The following AGBL1 variants were observed in gnomAD, a reference collection of about 807,000 sequenced individuals.
The protein encoded by AGBL1 is AGBL carboxypeptidase 1, also known as cytosolic carboxypeptidase 4.
A neutral mutation model predicts 118.9 loss-of-function variants in AGBL1; 130 were observed. That is an observed-to-expected ratio of 1.09 (90% CI 0.95 to 1.26). The LOEUF is 1.26. AGBL1 is among the 50% of genes most tolerant of loss of function. The probability of loss-of-function intolerance (pLI) is 0.00; values close to 1 mark genes in which losing one functional copy is unlikely to be tolerated. For missense variants in AGBL1, 1,584 were observed against 1,298.1 expected (o/e 1.22, Z -3.38); for synonymous variants, 555 against 478.9 (o/e 1.16, Z -2.08).
rs558671798 is a variant in AGBL1 at position 86,353,686 on chromosome 15, G to A, written c.2375-43680G>A. 7.2e-5 allele frequency among the ~76,000 whole-genome samples: 11 copies of A among 152,312 alleles called. No individual in the cohort carries two copies. The South Asian group carries it at 2.1e-3, about 29-fold the overall frequency. On this transcript the variant is annotated intron_variant, in intron 17 of 22. Transcript: ENST00000614907. ...AAGAGGTTTATCTTGGAAACCACAA[G>A]ACCTATCATCTGGATGAGTTACTGG...
intron 17 of AGBL1, among the ~76,000 whole-genome samples, chr15:86,321,042 G>C (rs1388870699): frequency 6.6e-6 from 1 of 152,128 alleles, no homozygotes; most frequent in Non-Finnish European, 1.5e-5. Flanking sequence ...AAGGTGGTGA[G>C]AGGCTTGTAA....
intron 1 of AGBL1, among the ~76,000 whole-genome samples, chr15:86,134,054 T>A (rs550319462): frequency 6.6e-6 from 1 of 152,324 alleles, no homozygotes; most frequent in African/African-American, 2.4e-5. Flanking sequence ...CTCCAGGAAA[T>A]GTTTTCCTTC....
At chr15:86,638,378 G>A (rs2085135500) in intron 21 of AGBL1, among the ~76,000 whole-genome samples, 1 of 152,200 alleles carries the variant, frequency 6.6e-6, no homozygotes, top group Non-Finnish European at 1.5e-5. Context: ...GCGATGTGCT[G>A]CATTTTCACT....
chr15:86,549,157 G>A (rs1596254367), intron 20 of AGBL1, among the ~76,000 whole-genome samples: 1 of 152,160 alleles, frequency 6.6e-6, no homozygotes, highest in Non-Finnish European at 1.5e-5. Context: ...TGAGATTTTG[G>A]TGGGGACATG....
intron 5 of AGBL1, among the ~76,000 whole-genome samples, chr15:86,197,402 G>C (rs2077831636): frequency 6.6e-6 from 1 of 152,222 alleles, no homozygotes; most frequent in Non-Finnish European, 1.5e-5. Flanking sequence ...CAAGGAATTA[G>C]ATGGAAATGA....
chr15:86,249,661 A>C (rs1271834958), intron 7 of AGBL1, among the ~76,000 whole-genome samples: 1 of 152,118 alleles, frequency 6.6e-6, no homozygotes, highest in Admixed American at 6.5e-5. Flanking sequence ...GCCGATGTTT[A>C]ACAGCCCCCC....
chr15:86,596,444 T>A (rs759227725), intron 21 of AGBL1, among the ~76,000 whole-genome samples: 1 of 152,194 alleles, frequency 6.6e-6, no homozygotes, highest in Non-Finnish European at 1.5e-5. Flanking sequence ...CTATTAATCT[T>A]CTTTCTGAGA....
At chr15:86,486,959 C>T (rs1341714850) in intron 18 of AGBL1, among the ~76,000 whole-genome samples, 3 of 152,062 alleles carry the variant, frequency 2.0e-5, no homozygotes, top group African/African-American at 4.8e-5. Context: ...TCTCCTCTTT[C>T]TGTAACCCGC....
At chr15:86,948,082 C>T (rs574240233) in intron 23 of AGBL1, among the ~76,000 whole-genome samples, 12 of 152,184 alleles carry the variant, frequency 7.9e-5, no homozygotes, top group East Asian at 1.9e-4. Context: ...TAACATTTTA[C>T]GGCATGACAG....
downstream of AGBL1, among the ~76,000 whole-genome samples, chr15:86,916,882 A>G (rs112497591): frequency 6.6e-6 from 1 of 152,182 alleles, no homozygotes; most frequent in Admixed American, 6.5e-5. Flanking sequence ...ACAATGATCT[A>G]TTCAGAGCAC....
At chr15:86,448,360 G>A (rs2082151908) in intron 18 of AGBL1, among the ~76,000 whole-genome samples, 1 of 152,116 alleles carries the variant, frequency 6.6e-6, no homozygotes, top group African/African-American at 2.4e-5. Context: ...ATAAGACGTC[G>A]ATTATCTCAG....
intron 23 of AGBL1, among the ~76,000 whole-genome samples, chr15:86,965,967 C>G (rs998346517): frequency 6.6e-6 from 1 of 151,882 alleles, no homozygotes; most frequent in Admixed American, 6.6e-5. Context: ...CAAACCTGTA[C>G]GTTCTGCACA....
At chr15:86,402,187 G>GTTAT (rs58824729) in intron 18 of AGBL1, among the ~76,000 whole-genome samples, 3,977 of 151,316 alleles carry the variant, frequency 0.026, 129 homozygotes, top group African/African-American at 0.079. Flanking sequence ...GTATTTCTAG[G>GTTAT]TTATTTATTT....
At chr15:86,599,729 T>A (rs1223046483) in intron 21 of AGBL1, among the ~76,000 whole-genome samples, 2 of 152,140 alleles carry the variant, frequency 1.3e-5, no homozygotes, top group Non-Finnish European at 2.9e-5. Context: ...TATTCCCCGA[T>A]TCCTCAGATG....
chr15:86,289,381 T>C (rs746929062), intron 16 of AGBL1, among the ~76,000 whole-genome samples: 1 of 152,206 alleles, frequency 6.6e-6, no homozygotes, highest in Non-Finnish European at 1.5e-5. Context: ...GCTTTCTTTT[T>C]ACTACTTAAA....
intron 17 of AGBL1, among the ~76,000 whole-genome samples, chr15:86,389,823 ACAAT>A (rs34127749): frequency 5.6e-4 from 85 of 152,296 alleles, no homozygotes; most frequent in African/African-American, 1.3e-3. Context: ...TGGGAAAAAA[ACAAT>A]CAATCCAAAT....
intron 5 of AGBL1, among the ~76,000 whole-genome samples, chr15:86,195,958 G>A (rs955290242): frequency 6.6e-6 from 1 of 152,128 alleles, no homozygotes; most frequent in Non-Finnish European, 1.5e-5. Flanking sequence ...AAGACTTACT[G>A]AGGAGAAAAT....
At chr15:86,255,590 C>G (rs1009394670) in intron 7 of AGBL1, among the ~76,000 whole-genome samples, 1 of 152,130 alleles carries the variant, frequency 6.6e-6, no homozygotes, top group African/African-American at 2.4e-5. Flanking sequence ...TGATACAAGC[C>G]TAACCAACAT....
In AGBL1 at chr15:86,247,832, G is replaced by C. The variant is rs2078746661; in HGVS notation, c.688G>C (p.Ala230Pro). ...HIAALRSGRE[A>P]FLAAQGMEIL... is the part of the protein sequence containing the mutation. ...TGCTGCCCTCCGGTCCGGCAGGGAG[G>C]CCTTCCTGGCAGCACAGGGCATGGA... Residue 230 changes from alanine to proline, a missense_variant, in exon 7 of 23, where the codon GCC (alanine) becomes CCC (proline). Coordinates refer to ENST00000614907, the MANE Select transcript of AGBL1 (RefSeq NM_001386094.1). 6.2e-7 allele frequency: 1 copy of C among 1,613,826 alleles called. No individual in the cohort carries two copies. Among genetic ancestry groups the C allele is most frequent in the African/African-American group, 1.3e-5 (1 of 74,940 alleles).
Sources: allele counts gnomAD v4.1 joint callset (sites outside exome capture counted in the v4.1 genomes callset), GRCh38; gene constraint gnomAD v4.1.1; transcripts MANE v1.5; gene names NCBI Gene and HGNC (gene_info 2026-07-23, HGNC 2026-07-21).